The following NUP35 variants were observed in gnomAD, a reference collection of about 807,000 sequenced individuals.
NUP35 encodes nucleoporin 35, also known as nucleoporin NUP35.
In NUP35, 25 loss-of-function variants were observed where a neutral mutation model predicts 41.5. That is an observed-to-expected ratio of 0.60 (90% CI 0.44 to 0.84). The LOEUF (loss-of-function observed/expected upper bound fraction) is 0.84. NUP35 is among the 40% of genes least tolerant of loss of function. The pLI, the probability that NUP35 is intolerant of heterozygous loss-of-function variation, is 0.00. For missense variants in NUP35, 396 were observed against 396.6 expected, an observed-to-expected ratio of 1.00 and a Z score of 0.01; for synonymous variants, 149 against 130.7, an observed-to-expected ratio of 1.14 and a Z score of -0.96.
intron 8 of NUP35, 29 bp downstream of exon 8, chr2:183,159,681 G>T (rs771150461): frequency 2.6e-6 from 4 of 1,558,104 alleles, no homozygotes; most frequent in South Asian, 1.1e-5. Flanking sequence ...AAAAAAAGAT[G>T]TACTTTAATG....
chr2:183,132,385 C>G (rs1684727494), intron 3 of NUP35, among the ~76,000 whole-genome samples: 1 of 147,810 alleles, frequency 6.8e-6, no homozygotes, highest in South Asian at 2.2e-4. Flanking sequence ...AAACTCTTGT[C>G]TCTACTGAAA....
intron 8 of NUP35, chr2:183,160,149 C>T: frequency 6.4e-6 from 1 of 156,342 alleles, no homozygotes. Context: ...GTATTATGAT[C>T]TCATTCAGTA....
intron 4 of NUP35, among the ~76,000 whole-genome samples, chr2:183,138,267 ATATT>A (rs1369292477): frequency 8.1e-5 from 6 of 74,040 alleles, no homozygotes; most frequent in Admixed American, 1.3e-4. Context: ...ATATATATAT[ATATT>A]TTTTTTTTTT....
intron 4 of NUP35, among the ~76,000 whole-genome samples, chr2:183,146,683 A>T (rs975336054): frequency 5.3e-5 from 8 of 150,022 alleles, no homozygotes; most frequent in Non-Finnish European, 8.9e-5. Flanking sequence ...TGCAACCTCT[A>T]CTCCCCGGGT....
At chr2:183,132,207 G>C (rs1258890349) in intron 3 of NUP35, among the ~76,000 whole-genome samples, 1 of 151,894 alleles carries the variant, frequency 6.6e-6, no homozygotes, top group East Asian at 1.9e-4. Context: ...ATTTTTTGTA[G>C]AGATGGGATT....
chr2:183,139,486 T>A (rs1194574336), intron 4 of NUP35, among the ~76,000 whole-genome samples: 1 of 152,140 alleles, frequency 6.6e-6, no homozygotes, highest in Non-Finnish European at 1.5e-5. Context: ...CCTGTGACTG[T>A]TAACTTACAT....
At chr2:183,133,119 G>C (rs1366232760) in intron 3 of NUP35, among the ~76,000 whole-genome samples, 1 of 152,122 alleles carries the variant, frequency 6.6e-6, no homozygotes, top group African/African-American at 2.4e-5. Context: ...GTAGGGATAT[G>C]CTGTCTTTTA....
chr2:183,122,309 C>G (rs1700080242), upstream of NUP35, among the ~76,000 whole-genome samples: 1 of 152,090 alleles, frequency 6.6e-6, no homozygotes, highest in Admixed American at 6.5e-5. Flanking sequence ...AACTCCTGAC[C>G]TCGTGATCCG....
At chr2:183,155,769 G>A (rs1685642796) in intron 5 of NUP35, among the ~76,000 whole-genome samples, 1 of 151,968 alleles carries the variant, frequency 6.6e-6, no homozygotes, top group Non-Finnish European at 1.5e-5. Flanking sequence ...TCTTAAATCT[G>A]TTTTTCAGGC....
At chr2:183,146,200 C>T (rs1159865785) in intron 4 of NUP35, among the ~76,000 whole-genome samples, 5 of 152,158 alleles carry the variant, frequency 3.3e-5, no homozygotes, top group Non-Finnish European at 5.9e-5. Context: ...CGTGCCACTG[C>T]ACTCCAGCCT....
chr2:183,138,245 C>CTATATATA (rs1208421272), intron 4 of NUP35, among the ~76,000 whole-genome samples: 13 of 112,674 alleles, frequency 1.2e-4, no homozygotes, highest in African/African-American at 3.7e-4. Flanking sequence ...TCATTTAGAG[C>CTATATATA]TATATATATA....
At chr2:183,154,868 G>A (rs760415177) in intron 5 of NUP35, among the ~76,000 whole-genome samples, 4 of 152,154 alleles carry the variant, frequency 2.6e-5, no homozygotes, top group Admixed American at 6.5e-5. Flanking sequence ...AAGAAAAAGA[G>A]GTTTAATTGG....
upstream of NUP35, among the ~76,000 whole-genome samples, chr2:183,123,066 G>A (rs917649693): frequency 6.6e-6 from 1 of 152,166 alleles, no homozygotes; most frequent in Admixed American, 6.5e-5. Context: ...ATGCTACATC[G>A]TTGGCTTTGA....
At chr2:183,144,811 G>A (rs1453387189) in intron 4 of NUP35, among the ~76,000 whole-genome samples, 1 of 152,194 alleles carries the variant, frequency 6.6e-6, no homozygotes, top group Non-Finnish European at 1.5e-5. Flanking sequence ...TTATGCTAAA[G>A]TTATGTAAAT....
At chr2:183,151,755 A>G in intron 5 of NUP35, 106 bp downstream of exon 5, 2 of 982,378 alleles carry the variant, frequency 2.0e-6, no homozygotes, top group Non-Finnish European at 3.0e-6. Context: ...GCAAACACCC[A>G]TATTACTACC....
chr2:183,151,769 T>G (rs1212658404), intron 5 of NUP35, 120 bp downstream of exon 5: 16 of 848,236 alleles, frequency 1.9e-5, no homozygotes, highest in Non-Finnish European at 2.9e-5. Context: ...TACTACCACC[T>G]AGGTTCTATG....
chr2:183,121,042 A>C (rs1272762562), upstream of NUP35, among the ~76,000 whole-genome samples: 1 of 152,194 alleles, frequency 6.6e-6, no homozygotes, highest in Non-Finnish European at 1.5e-5. Flanking sequence ...AGGTTAGAAA[A>C]AAAATGGGAT....
rs778098400 is a variant in NUP35 at position 183,124,466 on chromosome 2, C to G, written c.9C>G (p.Ala3=). MA[A]FAVEPQGPAL... ...GTGTAGTTGCCGACGCAATGGCAGC[C>G]TTTGCAGTGGAACCTCAGGGGCCCG... Residue 3 remains alanine, a synonymous_variant, in exon 1 of 9, where the codon GCC becomes GCG. Transcript: ENST00000295119. The G allele has an allele frequency of 1.3e-5, 21 of 1,614,052 alleles. No individual in the cohort carries two copies. In the African/African-American group the frequency reaches 2.3e-4, roughly 17 times the overall value.
chr2:183,157,883 GC>G (rs1197105078), intron 6 of NUP35, among the ~76,000 whole-genome samples: 1 of 152,012 alleles, frequency 6.6e-6, no homozygotes, highest in East Asian at 1.9e-4. Context: ...AGTTTTTAGA[GC>G]TTTATAGCTC....
Sources: allele counts gnomAD v4.1 joint callset (sites outside exome capture counted in the v4.1 genomes callset), GRCh38; gene constraint gnomAD v4.1.1; transcripts MANE v1.5; gene names NCBI Gene and HGNC (gene_info 2026-07-23, HGNC 2026-07-21).